PTPRR: variants seen among roughly 807,000 people sequenced by gnomAD.
PTPRR encodes the protein protein tyrosine phosphatase receptor type R, also known as receptor-type tyrosine-protein phosphatase R.
In PTPRR, 38 loss-of-function variants were observed where a neutral mutation model predicts 77.2. That is an observed-to-expected ratio of 0.49 (90% CI 0.38 to 0.65). The LOEUF is 0.65. Among genes scored for constraint, PTPRR ranks in the 30% least tolerant of loss-of-function variants. The pLI is 0.00. For missense variants in PTPRR, 744 were observed against 799.2 expected (o/e 0.93, Z 0.83); for synonymous variants, 299 against 283.1 (o/e 1.06, Z -0.57).
At chr12:70,835,170 T>C (rs1341556616) in intron 2 of PTPRR, among the ~76,000 whole-genome samples, 2 of 152,208 alleles carry the variant, frequency 1.3e-5, no homozygotes, top group South Asian at 2.1e-4. Context: ...ATTAAGAAGG[T>C]ATTGTAGGTT....
intron 10 of PTPRR, among the ~76,000 whole-genome samples, chr12:70,667,169 G>T (rs1887042476): frequency 6.6e-6 from 1 of 151,756 alleles, no homozygotes; most frequent in Non-Finnish European, 1.5e-5. Context: ...TGTTAGCCAG[G>T]ATAGTCTCGA....
chr12:70,662,437 G>T, intron 11 of PTPRR, 58 bp downstream of exon 11: 1 of 986,000 alleles, frequency 1.0e-6, no homozygotes, highest in Non-Finnish European at 1.5e-6. Flanking sequence ...TTTCAAAGTA[G>T]AAATGTAATC....
intron 7 of PTPRR, among the ~76,000 whole-genome samples, chr12:70,699,544 T>G (rs1001699687): frequency 6.6e-6 from 1 of 152,148 alleles, no homozygotes; most frequent in African/African-American, 2.4e-5. Flanking sequence ...ACTCCTGGGC[T>G]CAAGGCATCC....
intron 8 of PTPRR, among the ~76,000 whole-genome samples, chr12:70,696,100 C>T (rs1055467904): frequency 2.0e-5 from 3 of 151,864 alleles, no homozygotes; most frequent in Non-Finnish European, 4.4e-5. Context: ...TGAGCTTTGT[C>T]GTGAGATGTT....
intron 2 of PTPRR, among the ~76,000 whole-genome samples, chr12:70,766,104 C>G (rs1162009839): frequency 2.0e-5 from 3 of 152,112 alleles, no homozygotes; most frequent in East Asian, 1.9e-4. Flanking sequence ...AAAAGCAGAG[C>G]GCCTCTCCTC....
intron 2 of PTPRR, among the ~76,000 whole-genome samples, chr12:70,786,144 A>G (rs1891317504): frequency 6.6e-6 from 1 of 152,194 alleles, no homozygotes; most frequent in Non-Finnish European, 1.5e-5. Flanking sequence ...AGACAAATTC[A>G]GGTTTCTACA....
In PTPRR at chr12:70,698,257, A is replaced by G. The variant is rs1261608238; in HGVS notation, c.1279+8T>C. ...ATACAATGCAAATTATAAAATCAAG[A>G]AGCTTACTTGGTAAAATGGTCTTAT... On this transcript the variant is annotated splice_region_variant and intron_variant, in intron 8 of 13. Transcript: ENST00000283228. 6.2e-7 allele frequency: 1 copy of G among 1,610,746 alleles called. No homozygotes were observed. The highest frequency in any genetic ancestry group is 1.7e-5 in the Admixed American group (1 of 59,876).
At chr12:70,897,281 T>C (rs1324404744) in intron 1 of PTPRR, among the ~76,000 whole-genome samples, 2 of 151,768 alleles carry the variant, frequency 1.3e-5, no homozygotes, top group African/African-American at 4.8e-5. Context: ...ATCCAGAATC[T>C]ACAATGAACT....
chr12:70,806,658 C>T (rs1891714764), intron 2 of PTPRR, among the ~76,000 whole-genome samples: 1 of 152,192 alleles, frequency 6.6e-6, no homozygotes, highest in Non-Finnish European at 1.5e-5. Flanking sequence ...CTACCATTTG[C>T]CTCTTCCTCA....
intron 7 of PTPRR, among the ~76,000 whole-genome samples, chr12:70,700,900 T>G (rs1033551830): frequency 6.6e-6 from 1 of 152,156 alleles, no homozygotes. Flanking sequence ...TCTGCCCAGC[T>G]CCCTATACCA....
At chr12:70,684,915 T>C (rs950089580) in intron 8 of PTPRR, 132 bp from the exon 9 acceptor site, 11 of 589,362 alleles carry the variant, frequency 1.9e-5, no homozygotes, top group African/African-American at 1.7e-4. Flanking sequence ...TTGTCTTTGG[T>C]GTCCATTGCT....
At chr12:70,801,432 A>G (rs1043076815) in intron 2 of PTPRR, among the ~76,000 whole-genome samples, 1 of 152,208 alleles carries the variant, frequency 6.6e-6, no homozygotes, top group Non-Finnish European at 1.5e-5. Flanking sequence ...ATCTGTTGAA[A>G]GCCTGAAAAC....
intron 1 of PTPRR, among the ~76,000 whole-genome samples, chr12:70,906,049 G>A (rs1893616585): frequency 6.6e-6 from 1 of 151,868 alleles, no homozygotes; most frequent in African/African-American, 2.4e-5. Context: ...CATAATTGTA[G>A]CAATAAAAGT....
chr12:70,849,115 T>C (rs1892532791), intron 2 of PTPRR, among the ~76,000 whole-genome samples: 1 of 152,172 alleles, frequency 6.6e-6, no homozygotes, highest in Non-Finnish European at 1.5e-5. Context: ...AGAAAAGATG[T>C]AGGTAGAATT....
At chr12:70,884,756 C>T (rs1235703135) in intron 2 of PTPRR, among the ~76,000 whole-genome samples, 1 of 145,302 alleles carries the variant, frequency 6.9e-6, no homozygotes, top group African/African-American at 2.7e-5. Context: ...CCTGTAGTCC[C>T]AGCTACTCCG....
intron 4 of PTPRR, among the ~76,000 whole-genome samples, chr12:70,759,542 G>A (rs758290490): frequency 9.9e-5 from 15 of 151,852 alleles, no homozygotes; most frequent in African/African-American, 2.2e-4. Context: ...TTAGCTGGGC[G>A]TGGTGGCAGG....
intron 2 of PTPRR, among the ~76,000 whole-genome samples, chr12:70,848,387 A>G (rs975278014): frequency 3.9e-5 from 6 of 151,924 alleles, no homozygotes; most frequent in African/African-American, 1.5e-4. Context: ...AAAGTGCAGT[A>G]GTGGATCTCG....
intron 13 of PTPRR, among the ~76,000 whole-genome samples, chr12:70,645,399 G>A (rs1886159578): frequency 6.6e-6 from 1 of 152,184 alleles, no homozygotes. Context: ...TAAATGCTGT[G>A]TATTATTTTT....
chr12:70,821,213 C>CTTGTTTTTTTTTTTTTTTT, intron 2 of PTPRR, among the ~76,000 whole-genome samples: 1 of 31,972 alleles, frequency 3.1e-5, no homozygotes, highest in African/African-American at 9.3e-5. Flanking sequence ...GGGATCACTG[C>CTTGTTTTTTTTTTTTTTTT]TTTTTTTTTT....
Sources: allele counts gnomAD v4.1 joint callset (sites outside exome capture counted in the v4.1 genomes callset), GRCh38; gene constraint gnomAD v4.1.1; transcripts MANE v1.5; gene names NCBI Gene and HGNC (gene_info 2026-07-23, HGNC 2026-07-21).